Variants in STXBP3 observed in about 807,000 individuals in gnomAD.
The protein encoded by STXBP3 is syntaxin binding protein 3.
A neutral mutation model predicts 85.7 loss-of-function variants in STXBP3; 41 were observed. The ratio of observed to expected loss-of-function variants is 0.48; its 90% CI spans 0.37 to 0.62. The LOEUF is 0.62. Ranked by LOEUF, STXBP3 falls within the 20% of genes least tolerant of loss-of-function variation. The pLI is 0.00. For synonymous variants in STXBP3, 229 were observed against 231.7 expected (o/e 0.99, Z 0.10); for missense variants, 563 against 703.1 (o/e 0.80, Z 2.25).
Position 108,782,665 on chromosome 1 carries a change from A to T in STXBP3, c.922A>T (p.Met308Leu). 1.2e-6 allele frequency: 2 copies of T among 1,609,572 alleles called. No homozygotes were observed. The highest frequency in any genetic ancestry group is 1.3e-5 in the African/African-American group (1 of 74,790). Residue 308 changes from methionine to leucine, a missense_variant, in exon 11 of 19, where the codon ATG becomes TTG. By Grantham distance (15) the Met-to-Leu change is conservative. Coordinates refer to ENST00000370008, the MANE Select transcript of STXBP3 (RefSeq NM_007269.4). ...ATTTGACAGGGAAATTCCCAAGCTT[A>T]TGAAAGAAATTTCATCAACAAAGAA... Reference protein sequence around the residue: ...AVVLEEIPKLMKEISSTKKAT... With the variant: ...AVVLEEIPKLLKEISSTKKAT...
At chr1:108,768,319 C>T (rs562725060) in intron 6 of STXBP3, among the ~76,000 whole-genome samples, 3 of 151,908 alleles carry the variant, frequency 2.0e-5, no homozygotes, top group African/African-American at 7.2e-5. Context: ...AGGCTGGTCT[C>T]GAACTCCCGG....
intron 11 of STXBP3, among the ~76,000 whole-genome samples, chr1:108,787,870 G>C (rs531435438): frequency 6.6e-6 from 1 of 151,844 alleles, no homozygotes; most frequent in East Asian, 1.9e-4. Flanking sequence ...ACTCACTGCA[G>C]CCTCAACCTC....
At chr1:108,754,190 A>G (rs34161260) in intron 3 of STXBP3, among the ~76,000 whole-genome samples, 26,789 of 151,730 alleles carry the variant, frequency 0.18, 3,135 homozygotes, top group Non-Finnish European at 0.26. Flanking sequence ...ACACTAGCAC[A>G]CCCAGCTAAT....
chr1:108,773,041 G>A lies in STXBP3; in HGVS notation c.593+222G>A, dbSNP rs1475691. ...GAGCCTAAATTTGGTACAATTTACG[G>A]ACGGTTTTTCATCAGTTTAAAGAAC... is the stretch of plus-strand genomic sequence containing the variant. On this transcript the variant is annotated intron_variant, in intron 7 of 18. Transcript: ENST00000370008. Among the ~76,000 whole-genome samples, 1,201 of 152,196 alleles carry A rather than the reference G, an allele frequency of 7.9e-3. 19 individuals are homozygous for A. Among genetic ancestry groups the A allele is most frequent in the African/African-American group, 0.028 (1,147 of 41,506 alleles).
rs374162931 is a variant in STXBP3 at position 108,769,399 on chromosome 1, T to C, written c.439-3266T>C. 7.3e-4 allele frequency among the ~76,000 whole-genome samples: 111 copies of C among 152,262 alleles called. 2 individuals carry two copies. In the South Asian group the frequency reaches 0.022, roughly 31 times the overall value. On this transcript the variant is annotated intron_variant, in intron 6 of 18. Transcript: ENST00000370008. ...CCTGTGTACTTCAAGCCCTTGTTGT[T>C]CAAGGGTCAGACAAACATAGAAAGC...
intron 17 of STXBP3, among the ~76,000 whole-genome samples, chr1:108,805,352 C>T (rs1166625172): frequency 1.3e-5 from 2 of 151,170 alleles, no homozygotes; most frequent in African/African-American, 4.9e-5. Flanking sequence ...AAATTTGTTT[C>T]CTGTTGTTCA....
chr1:108,790,954 T>C (rs2990876), intron 11 of STXBP3, among the ~76,000 whole-genome samples: 107,179 of 152,066 alleles, frequency 0.7, 38,763 homozygotes, highest in Non-Finnish European at 0.77. Flanking sequence ...TATTTTGTTA[T>C]AAACACTCAG....
intron 7 of STXBP3, 86 bp downstream of exon 7, chr1:108,772,905 T>C: frequency 7.8e-7 from 1 of 1,277,464 alleles, no homozygotes; most frequent in Non-Finnish European, 1.0e-6. Context: ...CTTGGCATGT[T>C]GGTTTGCAAA....
chr1:108,765,167 C>T (rs1247892770), intron 6 of STXBP3, among the ~76,000 whole-genome samples: 2 of 152,136 alleles, frequency 1.3e-5, no homozygotes, highest in African/African-American at 2.4e-5. Flanking sequence ...TCAGCTTTGT[C>T]GAATATCAGA....
intron 12 of STXBP3, among the ~76,000 whole-genome samples, chr1:108,794,556 A>G (rs1352024251): frequency 1.3e-5 from 2 of 152,182 alleles, no homozygotes; most frequent in African/African-American, 4.8e-5. Context: ...CCATCATCCC[A>G]TGTTCCAAAC....
chr1:108,751,860 T>G (rs867221399), intron 1 of STXBP3, among the ~76,000 whole-genome samples: 16 of 152,342 alleles, frequency 1.1e-4, no homozygotes, highest in South Asian at 4.1e-4. Flanking sequence ...AAAATGTTTA[T>G]GCAGATTTGA....
chr1:108,794,973 A>G, intron 13 of STXBP3, 66 bp downstream of exon 13: 2 of 1,432,102 alleles, frequency 1.4e-6, no homozygotes, highest in East Asian at 2.5e-5. Flanking sequence ...GTAAGTTAAA[A>G]CCTAACTTTT....
chr1:108,807,497 G>A lies in STXBP3; in HGVS notation c.1632G>A (p.Val544=), dbSNP rs772238107. ...TTGGAGGGATCACATACTCTGAAGT[G>A]CGTTGTGCTTATGAAGTTTCTCAGG... ...FVIGGITYSE[V]RCAYEVSQAH... The change falls in exon 18 of 19, where the codon GTG becomes GTA. Residue 544 remains valine (V), a synonymous_variant. Transcript: ENST00000370008. The A allele has an allele frequency of 3.7e-6, 6 of 1,613,134 alleles. No homozygotes were observed. The highest frequency in any genetic ancestry group is 3.3e-5 in the Admixed American group (2 of 59,928).
chr1:108,796,486 C>G (rs566052261), intron 14 of STXBP3, 114 bp downstream of exon 14: 1 of 1,158,830 alleles, frequency 8.6e-7, no homozygotes, highest in Admixed American at 2.8e-5. Context: ...AATATGAAAT[C>G]GAGAGAAGAC....
chr1:108,801,943 A>G (rs1663241687), intron 17 of STXBP3, among the ~76,000 whole-genome samples: 1 of 152,104 alleles, frequency 6.6e-6, no homozygotes, highest in East Asian at 1.9e-4. Context: ...CACTGGGATT[A>G]TAGATGTGAG....
intron 17 of STXBP3, among the ~76,000 whole-genome samples, chr1:108,804,877 C>G (rs1149156): frequency 0.29 from 43,759 of 152,132 alleles, 7,274 homozygotes; most frequent in East Asian, 0.77. Flanking sequence ...TGTTTGCTAA[C>G]ATCAGAAAAT....
chr1:108,762,235 G>C (rs1355348225), intron 6 of STXBP3, among the ~76,000 whole-genome samples: 1 of 152,140 alleles, frequency 6.6e-6, no homozygotes, highest in Non-Finnish European at 1.5e-5. Flanking sequence ...AGATTAAAAA[G>C]TATTAGACAT....
chr1:108,782,620 A>G, intron 10 of STXBP3, 29 bp from the exon 11 acceptor site: 2 of 1,601,290 alleles, frequency 1.2e-6, no homozygotes, highest in Non-Finnish European at 1.7e-6. Context: ...CATCTTAGAA[A>G]TTTAAAGAAT....
At chr1:108,794,234 C>T (rs555600652) in intron 12 of STXBP3, among the ~76,000 whole-genome samples, 2 of 152,296 alleles carry the variant, frequency 1.3e-5, no homozygotes, top group East Asian at 3.9e-4. Context: ...CAATTCAATG[C>T]TTCCATCCCA....
Sources: gnomAD v4.1 joint callset for allele counts (sites outside exome capture counted in the v4.1 genomes callset) on GRCh38, gnomAD v4.1.1 for gene constraint, MANE v1.5 for transcripts, NCBI Gene and HGNC (gene_info 2026-07-23, HGNC 2026-07-21) for gene names.